MOGAT1: variants seen among roughly 807,000 people sequenced by gnomAD.
MOGAT1 encodes 2-acylglycerol O-acyltransferase 1.
MOGAT1 carries 32 observed loss-of-function variants against 31.4 expected under a neutral mutation model. The ratio of observed to expected loss-of-function variants is 1.02; its 90% CI spans 0.77 to 1.37. The LOEUF is 1.37. Ranked by LOEUF, MOGAT1 falls within the 40% of genes most tolerant of loss-of-function variation. MOGAT1 has a pLI of 0.00. For synonymous variants in MOGAT1, 145 were observed against 144.5 expected (o/e 1.00, Z -0.03); for missense variants, 426 against 402.0 (o/e 1.06, Z -0.51).
intron 5 of MOGAT1, among the ~76,000 whole-genome samples, chr2:222,696,772 G>A (rs1301473457): frequency 6.6e-6 from 1 of 152,202 alleles, no homozygotes; most frequent in African/African-American, 2.4e-5. Context: ...AAGTGTGGTG[G>A]CACACACCTG....
intron 5 of MOGAT1, among the ~76,000 whole-genome samples, chr2:222,702,726 A>G (rs984045783): frequency 6.6e-5 from 10 of 152,070 alleles, no homozygotes; most frequent in African/African-American, 2.4e-4. Flanking sequence ...TCACTTTTAT[A>G]TTCTGATGGG....
intron 1 of MOGAT1, among the ~76,000 whole-genome samples, chr2:222,673,104 G>A (rs948399855): frequency 6.6e-6 from 1 of 151,386 alleles, no homozygotes; most frequent in African/African-American, 2.4e-5. Flanking sequence ...GTAGAGACGG[G>A]GTTTCTCCAT....
intron 1 of MOGAT1, among the ~76,000 whole-genome samples, chr2:222,677,337 T>C (rs1244816964): frequency 2.0e-5 from 3 of 152,152 alleles, no homozygotes; most frequent in Non-Finnish European, 4.4e-5. Flanking sequence ...TCCCAGCACT[T>C]TGGGAGGCCG....
intron 1 of MOGAT1, chr2:222,677,884 T>G (rs1692522318): frequency 7.6e-6 from 2 of 262,776 alleles, no homozygotes; most frequent in Non-Finnish European, 1.6e-5. Context: ...TTCTTGTCTT[T>G]AATGATCCAG....
intron 1 of MOGAT1, among the ~76,000 whole-genome samples, chr2:222,676,979 T>C (rs1692507382): frequency 6.6e-6 from 1 of 152,194 alleles, no homozygotes; most frequent in African/African-American, 2.4e-5. Flanking sequence ...TCCACAATTA[T>C]ACTAATTGTC....
intron 5 of MOGAT1, among the ~76,000 whole-genome samples, chr2:222,704,466 T>C (rs540184324): frequency 2.0e-5 from 3 of 151,800 alleles, no homozygotes; most frequent in Admixed American, 6.5e-5. Context: ...CTACTAAAAA[T>C]ACAAAAAATT....
At chr2:222,675,114 G>A (rs1270586672) in intron 1 of MOGAT1, among the ~76,000 whole-genome samples, 1 of 152,200 alleles carries the variant, frequency 6.6e-6, no homozygotes, top group Admixed American at 6.5e-5. Context: ...CATTTGACAT[G>A]GGTCCTGCAG....
intron 5 of MOGAT1, among the ~76,000 whole-genome samples, chr2:222,700,656 T>C (rs986904034): frequency 2.1e-4 from 32 of 152,250 alleles, no homozygotes; most frequent in African/African-American, 7.0e-4. Flanking sequence ...AACTAGACCC[T>C]CAAGACTGTA....
intron 5 of MOGAT1, among the ~76,000 whole-genome samples, chr2:222,703,282 G>T (rs1041797712): frequency 6.6e-6 from 1 of 152,182 alleles, no homozygotes; most frequent in African/African-American, 2.4e-5. Flanking sequence ...TGGTGATAAC[G>T]TTCCTTCCTT....
At chr2:222,701,241 CAGAGTG>C (rs1692913180) in intron 5 of MOGAT1, among the ~76,000 whole-genome samples, 1 of 142,404 alleles carries the variant, frequency 7.0e-6, no homozygotes, top group East Asian at 2.0e-4. Flanking sequence ...GCCTGGGTGA[CAGAGTG>C]AGACTGTCTT....
chr2:222,675,429 T>G (rs991409334), intron 1 of MOGAT1, among the ~76,000 whole-genome samples: 1 of 152,164 alleles, frequency 6.6e-6, no homozygotes, highest in African/African-American at 2.4e-5. Context: ...GTCATGATGC[T>G]TGCCCGAATT....
chr2:222,707,717 G>A (rs1693027525), intron 5 of MOGAT1, among the ~76,000 whole-genome samples: 1 of 152,148 alleles, frequency 6.6e-6, no homozygotes, highest in African/African-American at 2.4e-5. Context: ...AACCACATGA[G>A]CTTTTCAAGG....
intron 5 of MOGAT1, among the ~76,000 whole-genome samples, chr2:222,696,416 C>T (rs1041846960): frequency 2.0e-5 from 3 of 152,216 alleles, no homozygotes; most frequent in Non-Finnish European, 4.4e-5. Context: ...ACTGCATCCA[C>T]ACCAACATCT....
intron 2 of MOGAT1, 40 bp downstream of exon 2, chr2:222,688,562 G>A: frequency 2.8e-6 from 4 of 1,447,822 alleles, no homozygotes; most frequent in Non-Finnish European, 3.8e-6. Flanking sequence ...TTTGATTTAG[G>A]AGAAGAGTGG....
intron 5 of MOGAT1, among the ~76,000 whole-genome samples, chr2:222,704,177 GCCGAGTTTTTC>G: frequency 6.6e-6 from 1 of 152,302 alleles, no homozygotes; most frequent in East Asian, 1.9e-4. Context: ...GCCTGATGCA[GCCGAGTTTTTC>G]CCCCTTTGTT....
At chr2:222,685,813 C>T (rs896034524) in intron 1 of MOGAT1, among the ~76,000 whole-genome samples, 1 of 151,948 alleles carries the variant, frequency 6.6e-6, no homozygotes, top group African/African-American at 2.4e-5. Context: ...GTTGGCCAGG[C>T]TGGTCTCAAA....
chr2:222,694,633 C>T lies in MOGAT1; in HGVS notation c.653+97C>T, dbSNP rs145970218. On this transcript the variant is annotated intron_variant, in intron 4 of 5. Transcript: ENST00000446656. Reference sequence around the variant, plus strand: ...AGGTGATTTTCTAGCCCTTAAAGACCTCCTCCAAATCGATCTGACAGTAAA... The same window carrying T: ...AGGTGATTTTCTAGCCCTTAAAGACTTCCTCCAAATCGATCTGACAGTAAA... The T allele has an allele frequency of 9.6e-3, 11,656 of 1,217,802 alleles. 88 individuals carry two copies. Among genetic ancestry groups the T allele is most frequent in the Non-Finnish European group, 0.012 (10,605 of 876,722 alleles). The allele number at this position is 1,217,802 out of a possible 1,614,324, so 75.4% of individuals were successfully genotyped here. A position where few individuals can be genotyped will look rare whatever the true frequency, so the allele number is the denominator to read the frequency against.
At chr2:222,671,916 T>A in intron 1 of MOGAT1, 37 bp downstream of exon 1, 6 of 1,471,768 alleles carry the variant, frequency 4.1e-6, no homozygotes, top group Non-Finnish European at 5.6e-6. Flanking sequence ...GGGCTTGGGC[T>A]CCATATCCTC....
chr2:222,703,144 T>C (rs916578071), intron 5 of MOGAT1, among the ~76,000 whole-genome samples: 4 of 152,074 alleles, frequency 2.6e-5, no homozygotes, highest in Non-Finnish European at 5.9e-5. Context: ...GGGCTGAGTT[T>C]ATATATGAGG....
Sources: gnomAD v4.1 joint callset for allele counts (sites outside exome capture counted in the v4.1 genomes callset) on GRCh38, gnomAD v4.1.1 for gene constraint, MANE v1.5 for transcripts, NCBI Gene and HGNC (gene_info 2026-07-23, HGNC 2026-07-21) for gene names.